Variants in ARHGEF18 observed in about 807,000 individuals in gnomAD.
ARHGEF18 encodes the protein Rho/Rac guanine nucleotide exchange factor 18, also known as rho guanine nucleotide exchange factor 18.
Under a neutral mutation model 155.7 loss-of-function variants are expected in ARHGEF18, and 93 were observed. The ratio of observed to expected loss-of-function variants is 0.60; its 90% CI spans 0.50 to 0.71. ARHGEF18 has a LOEUF of 0.71. Among genes scored for constraint, ARHGEF18 ranks in the 30% least tolerant of loss-of-function variants. The pLI is 0.00. For synonymous variants in ARHGEF18, 742 were observed against 753.1 expected (o/e 0.99, Z 0.24); for missense variants, 1,593 against 1,816.1 (o/e 0.88, Z 2.23).
intron 2 of ARHGEF18, among the ~76,000 whole-genome samples, chr19:7,364,321 A>G (rs543811133): frequency 6.7e-6 from 1 of 148,250 alleles, no homozygotes; most frequent in East Asian, 2.1e-4. Flanking sequence ...TAATGGATAG[A>G]TGAGAAGAAG....
In ARHGEF18 at chr19:7,354,868, C is replaced by G. The variant is rs537868679; in HGVS notation, c.-111+5627C>G. Among the ~76,000 whole-genome samples, 7 of 152,228 alleles carry G rather than the reference C, an allele frequency of 4.6e-5. 1 individual carries two copies. The South Asian group carries it at 1.0e-3, about 23-fold the overall frequency. On this transcript the variant is annotated intron_variant, in intron 1 of 28. Coordinates refer to ENST00000668164, the MANE Select transcript of ARHGEF18 (RefSeq NM_001367823.1). ...TGAGCTGTGGTCACGCCATTGCACTCCAGCCTGGGTGACAGAGCAAGACCC... is the reference window on the plus strand; with the variant it reads ...TGAGCTGTGGTCACGCCATTGCACTGCAGCCTGGGTGACAGAGCAAGACCC...
intron 4 of ARHGEF18, 109 bp downstream of exon 4, chr19:7,375,979 A>C: frequency 8.6e-7 from 1 of 1,166,752 alleles, no homozygotes; most frequent in African/African-American, 1.6e-5. Context: ...CTTACCCACC[A>C]TGGCAGGGTG....
chr19:7,380,847 G>A (rs1390365144), intron 7 of ARHGEF18, 70 bp from the exon 8 acceptor site: 16 of 1,035,704 alleles, frequency 1.5e-5, no homozygotes, highest in Admixed American at 1.3e-4. Context: ...GCCTGTACTC[G>A]GTAGCACTGG....
chr19:7,373,102 A>G, intron 3 of ARHGEF18, 31 bp downstream of exon 3: 1 of 1,234,354 alleles, frequency 8.1e-7, no homozygotes, highest in Non-Finnish European at 1.0e-6. Context: ...TGCTTCCCAC[A>G]ATGCACCCCT....
rs145590293 is a variant in ARHGEF18 at position 7,456,191 on chromosome 19, G to A, written c.2105-136G>A. 8.4e-3 allele frequency: 6,672 copies of A among 795,040 alleles called. 84 individuals carry two copies. The highest frequency in any genetic ancestry group is 8.2e-3 in the Non-Finnish European group (3,752 of 457,422). The allele number at this position is 795,040 out of a possible 1,614,324, so 49.2% of individuals were successfully genotyped here. A position where few individuals can be genotyped will look rare whatever the true frequency, so the allele number is the denominator to read the frequency against. On this transcript the variant is annotated intron_variant, in intron 17 of 28. Coordinates refer to ENST00000668164, the MANE Select transcript of ARHGEF18 (RefSeq NM_001367823.1). ...GGTGATGGGGGGTGCAGGCAAGGCA[G>A]AAAGGAAACTTCTAGGCCCAGGCAG...
chr19:7,458,526 C>G lies in ARHGEF18; in HGVS notation c.2196C>G (p.Pro732=), dbSNP rs777796445. Residue 732 remains proline (P), a synonymous_variant, in exon 19 of 29, where the codon CCC becomes CCG. Transcript: ENST00000668164. ...TACTCATGCAGGACTCAAAGCCACC[C>G]GTCATCTCGTTACAAAAGCTCATCG... is the stretch of plus-strand genomic sequence containing the variant. ...YVFASVDSKP[P]VISLQKLIVR... 6.2e-7 allele frequency: 1 copy of G among 1,614,004 alleles called. No homozygotes were observed. Among genetic ancestry groups the G allele is most frequent in the Non-Finnish European group, 8.5e-7 (1 of 1,179,966 alleles).
chr19:7,470,290 T>G lies in ARHGEF18; in HGVS notation c.4078T>G (p.Phe1360Val). Residue 1360 changes from phenylalanine to valine, a missense_variant, in exon 29 of 29, where the codon TTC (phenylalanine) becomes GTC (valine). Transcript: ENST00000668164. The surrounding 1 kb of genome is among the most constrained non-coding windows in gnomAD (Gnocchi z 5.9). Reference protein sequence around the residue: ...KEDASKEDVIFF With the variant: ...KEDASKEDVIVF The stretch of plus-strand genomic sequence containing the variant: ...GGACGCCAGCAAAGAAGACGTCATC[T>G]TCTTCTAAAAGGGCCGTGACTCAAG... 6 of 1,534,542 alleles carry G rather than the reference T, an allele frequency of 3.9e-6. No homozygotes were observed. The highest frequency in any genetic ancestry group is 5.3e-6 in the Non-Finnish European group (6 of 1,142,270).
downstream of ARHGEF18, chr19:7,476,989 G>A (rs569479169): frequency 9.6e-5 from 40 of 418,328 alleles, 1 homozygote; most frequent in South Asian, 3.4e-3. Context: ...AGGAGGTGCT[G>A]CTGAAGCCCT....
At chr19:7,449,267 A>T (rs1411557722) in intron 15 of ARHGEF18, among the ~76,000 whole-genome samples, 1 of 152,002 alleles carries the variant, frequency 6.6e-6, no homozygotes, top group Non-Finnish European at 1.5e-5. Context: ...TCTTAGCCAG[A>T]GGTGAGCATC....
At chr19:7,371,357 C>A (rs1254963246) in intron 2 of ARHGEF18, among the ~76,000 whole-genome samples, 5 of 152,096 alleles carry the variant, frequency 3.3e-5, no homozygotes, top group Non-Finnish European at 7.3e-5. Flanking sequence ...TGGGAATGTG[C>A]TTAATGATAC....
intron 8 of ARHGEF18, among the ~76,000 whole-genome samples, chr19:7,381,425 C>T (rs1970729946): frequency 6.6e-6 from 1 of 152,184 alleles, no homozygotes; most frequent in South Asian, 2.1e-4. Flanking sequence ...CGCCTATAAT[C>T]CCAGCACTTT....
At chr19:7,370,420 C>T (rs1443136214) in intron 2 of ARHGEF18, among the ~76,000 whole-genome samples, 14 of 151,776 alleles carry the variant, frequency 9.2e-5, no homozygotes, top group Admixed American at 5.3e-4. Context: ...GGCGTGAACC[C>T]GGGAGGTGGA....
chr19:7,439,991 C>T, intron 10 of ARHGEF18: 1 of 1,549,202 alleles, frequency 6.5e-7, no homozygotes, highest in Admixed American at 2.0e-5. Context: ...CTGCTTCAGC[C>T]AATACAGCAA....
chr19:7,372,714 T>A (rs1970261039), intron 2 of ARHGEF18, 98 bp from the exon 3 acceptor site: 1 of 1,170,360 alleles, frequency 8.5e-7, no homozygotes, highest in Admixed American at 4.2e-5. Context: ...AGGCAGGGTC[T>A]GGATGTTGGG....
At position 7,467,659 on chromosome 19, in the gene ARHGEF18, C is replaced by G; in HGVS notation, c.3455C>G (p.Ala1152Gly). 1 of 1,512,644 alleles carries G rather than the reference C, an allele frequency of 6.6e-7. No homozygotes were observed. Among genetic ancestry groups the G allele is most frequent in the Non-Finnish European group, 8.8e-7 (1 of 1,138,348 alleles). The allele number at this position is 1,512,644 out of a possible 1,614,324, so 93.7% of individuals were successfully genotyped here. The change falls in exon 26 of 29, where the codon GCG (alanine) becomes GGG (glycine). Residue 1152 changes from alanine to glycine, a missense_variant. By Grantham distance (60) the Ala-to-Gly change is moderately conservative (BLOSUM62 0). Coordinates refer to ENST00000668164, the MANE Select transcript of ARHGEF18 (RefSeq NM_001367823.1). ...AAGAAGCAGAACACCGCGCCAGGCG[C>G]GCTGCCGCCCGACACACTGGCCGAG... ...RLKKQNTAPG[A>G]LPPDTLAEAQ...
In ARHGEF18 at chr19:7,383,104, CGA is replaced by C. The variant is rs779874429; in HGVS notation, c.874_875del (p.Arg292AlafsTer85). 1 of 1,232,336 alleles carries C rather than the reference CGA, an allele frequency of 8.1e-7. No individual in the cohort carries two copies. Among genetic ancestry groups the C allele is most frequent in the East Asian group, 3.2e-5 (1 of 31,700 alleles). 76.3% of individuals were successfully genotyped at this position (1,232,336 alleles called of 1,614,324 possible). ...AHLKDKGQDA[R>X]ERRECVNGHQ... Reference sequence around the variant, plus strand: ...TCTGAAGGACAAGGGCCAGGATGCACGAGAGAGGCGGGAGTGTGTCAATGGGC... The same window carrying C: ...TCTGAAGGACAAGGGCCAGGATGCACGAGAGGCGGGAGTGTGTCAATGGGC... On this transcript the variant is annotated frameshift_variant, in exon 10 of 29. Transcript: ENST00000668164. LOFTEE classifies it high-confidence loss of function.
intron 2 of ARHGEF18, among the ~76,000 whole-genome samples, chr19:7,367,176 C>A (rs1335211307): frequency 1.3e-5 from 2 of 152,208 alleles, no homozygotes; most frequent in African/African-American, 4.8e-5. Context: ...TGGCAGTATG[C>A]CCATTTTAGA....
intron 15 of ARHGEF18, among the ~76,000 whole-genome samples, chr19:7,448,653 CT>C (rs1261924066): frequency 2.0e-5 from 3 of 151,350 alleles, no homozygotes; most frequent in Non-Finnish European, 4.4e-5. Context: ...AAGAGCGAAA[CT>C]CCGTCTCAAA....
chr19:7,435,212 G>T (rs2145743052), intron 10 of ARHGEF18, among the ~76,000 whole-genome samples: 1 of 151,782 alleles, frequency 6.6e-6, no homozygotes, highest in Admixed American at 6.6e-5. Context: ...AAAAAAAAAG[G>T]CGTCAGAAGA....
Sources: gnomAD v4.1 joint callset for allele counts (sites outside exome capture counted in the v4.1 genomes callset) on GRCh38, gnomAD v4.1.1 for gene constraint, Gnocchi (gnomAD v3.1) non-coding constraint, MANE v1.5 for transcripts, NCBI Gene and HGNC (gene_info 2026-07-23, HGNC 2026-07-21) for gene names.